Variants in CEP170B observed in about 807,000 individuals in gnomAD.
CEP170B encodes the protein centrosomal protein 170B, also known as centrosomal protein of 170 kDa protein B.
Under a neutral mutation model 120.6 loss-of-function variants are expected in CEP170B, and 55 were observed. The observed-to-expected ratio is 0.46, with a 90% CI of 0.37 to 0.57. CEP170B has a LOEUF of 0.57. CEP170B is among the 20% of genes least tolerant of loss of function. The probability of loss-of-function intolerance (pLI) is 0.00; values close to 1 mark genes in which losing one functional copy is unlikely to be tolerated. For missense variants in CEP170B, 2,212 were observed against 2,253.3 expected, an observed-to-expected ratio of 0.98 and a Z score of 0.37; for synonymous variants, 1,033 against 954.5, an observed-to-expected ratio of 1.08 and a Z score of -1.52.
Position 104,887,526 on chromosome 14 carries a change from G to A in CEP170B, c.3287G>A (p.Ser1096Asn). The change falls in exon 12 of 19, where the codon AGC (serine) becomes AAC (asparagine). Residue 1096 changes from serine (S) to asparagine (N), a missense_variant. Ser to Asn is a conservative substitution (Grantham distance 46). Coordinates refer to ENST00000414716, the MANE Select transcript of CEP170B (RefSeq NM_001112726.3). ...TCCCCAGCTGCCCGGGAGGAGCAGAGCCGTAGCTCAGCCAGCTCCCAGAAG... is the reference window on the plus strand; with the variant it reads ...TCCCCAGCTGCCCGGGAGGAGCAGAACCGTAGCTCAGCCAGCTCCCAGAAG... ...PPSPAAREEQ[S>N]RSSASSQKGP... 1.2e-6 allele frequency: 2 copies of A among 1,611,148 alleles called. No homozygotes were observed. The highest frequency in any genetic ancestry group is 1.7e-6 in the Non-Finnish European group (2 of 1,179,480).
chr14:104,880,148 T>G, intron 5 of CEP170B, 139 bp from the exon 6 acceptor site: 4 of 1,200,522 alleles, frequency 3.3e-6, no homozygotes, highest in Non-Finnish European at 4.6e-6. Flanking sequence ...TGTCTGCTCT[T>G]TTGGGGAGCA....
rs369738178 is a variant in CEP170B, at chr14:104,886,820, C to G, written c.2581C>G (p.Pro861Ala). The G allele has an allele frequency of 5.0e-6, 8 of 1,611,386 alleles. No individual in the cohort carries two copies. Among genetic ancestry groups the G allele is most frequent in the Admixed American group, 3.3e-5 (2 of 60,020 alleles). ...GTCCCCAGAACCCGACGGCCCTGCC[C>G]CAGCCTTTCTCCGGCAAGAGAGCTT... is the stretch of plus-strand genomic sequence containing the variant. ...GRSPEPDGPAPAFLRQESFTK... is the reference protein window; with the variant it reads ...GRSPEPDGPAAAFLRQESFTK... Residue 861 changes from proline (P) to alanine (A), a missense_variant, in exon 12 of 19, where the codon CCA (proline) becomes GCA (alanine). Physicochemically the swap from Pro to Ala is conservative, Grantham distance 27. Around this residue, in one of 2 missense-constraint regions of CEP170B, gnomAD observed 2,166 missense variants for 2,166.7 expected, o/e 1.00. Transcript: ENST00000414716.
chr14:104,892,071 A>G (rs538152953), intron 13 of CEP170B, among the ~76,000 whole-genome samples: 2 of 151,876 alleles, frequency 1.3e-5, no homozygotes, highest in Admixed American at 1.3e-4. Flanking sequence ...GGTGACTGCC[A>G]GTGTGGGGGC....
Position 104,886,763 on chromosome 14 carries a change from G to A in CEP170B, c.2524G>A (p.Gly842Arg). ...GGATGGCGTCTATGTCAGTGCCAAT[G>A]GGAGAATGGTCATCCAGCTACGGCC... ...ARDGVYVSANGRMVIQLRPGR... is the reference protein window; with the variant it reads ...ARDGVYVSANRRMVIQLRPGR... The change falls in exon 12 of 19, where the codon GGG becomes AGG. Residue 842 changes from glycine (G) to arginine (R), a missense_variant. Coordinates refer to ENST00000414716, the MANE Select transcript of CEP170B (RefSeq NM_001112726.3). The A allele has an allele frequency of 6.2e-7, 1 of 1,611,762 alleles. No individual in the cohort carries two copies.
chr14:104,877,516 T>A (rs1895918786), intron 3 of CEP170B, among the ~76,000 whole-genome samples: 1 of 152,190 alleles, frequency 6.6e-6, no homozygotes, highest in Non-Finnish European at 1.5e-5. Flanking sequence ...CCTCGACTGT[T>A]CCCAAGGGCT....
intron 2 of CEP170B, among the ~76,000 whole-genome samples, chr14:104,873,007 C>T (rs1418676216): frequency 6.6e-6 from 1 of 152,236 alleles, no homozygotes; most frequent in East Asian, 1.9e-4. Context: ...TGTTTTAAGT[C>T]TTGAGCCCTG....
chr14:104,886,582 G>A lies in CEP170B; in HGVS notation c.2343G>A (p.Arg781=). The change falls in exon 12 of 19, where the codon AGG becomes AGA. Residue 781 remains arginine, a synonymous_variant. Coordinates refer to ENST00000414716, the MANE Select transcript of CEP170B (RefSeq NM_001112726.3). ...RSPQEGPTWS[R]GRRSPRAPGE... is the part of the protein sequence containing the mutation. Reference sequence around the variant, plus strand: ...CCCAGGAGGGGCCCACGTGGAGCAGGGGTCGGCGCTCACCAAGGGCCCCCG... The same window carrying A: ...CCCAGGAGGGGCCCACGTGGAGCAGAGGTCGGCGCTCACCAAGGGCCCCCG... 1 of 1,513,572 alleles carries A rather than the reference G, an allele frequency of 6.6e-7. No individual in the cohort carries two copies. Among genetic ancestry groups the A allele is most frequent in the Non-Finnish European group, 8.8e-7 (1 of 1,134,478 alleles). The allele number at this position is 1,513,572 out of a possible 1,614,324, so 93.8% of individuals were successfully genotyped here. A position where few individuals can be genotyped will look rare whatever the true frequency, so the allele number is the denominator to read the frequency against.
rs1048936644 is a variant in CEP170B, at chr14:104,892,825, G to C, written c.3879-151G>C. 24 of 831,372 alleles carry C rather than the reference G, an allele frequency of 2.9e-5. No homozygotes were observed. In the African/African-American group the frequency reaches 3.6e-4, roughly 12 times the overall value. 51.5% of individuals were successfully genotyped at this position (831,372 alleles called of 1,614,324 possible). A position where few individuals can be genotyped will look rare whatever the true frequency, so the allele number is the denominator to read the frequency against. On this transcript the variant is annotated intron_variant, in intron 13 of 18. Transcript: ENST00000414716. Reference sequence around the variant, plus strand: ...TGCCTGTGTAACCAGTGGCTAGGCCGGTGTTTGGGGCCAGGCTGGGGAGCA... The same window carrying C: ...TGCCTGTGTAACCAGTGGCTAGGCCCGTGTTTGGGGCCAGGCTGGGGAGCA...
Position 104,886,325 on chromosome 14 carries a change from C to G in CEP170B, c.2086C>G (p.Arg696Gly). 6.4e-7 allele frequency: 1 copy of G among 1,551,156 alleles called. No homozygotes were observed. The highest frequency in any genetic ancestry group is 1.9e-5 in the Admixed American group (1 of 52,900). Residue 696 changes from arginine to glycine, a missense_variant, in exon 12 of 19, where the codon CGC becomes GGC. By Grantham distance (125) the Arg-to-Gly change is moderately radical (BLOSUM62 -2). Transcript: ENST00000414716. ...GGEPEGSLPV[R>G]MRRRLPQLPS... ...GGAGCCGGAGGGGTCCCTGCCTGTG[C>G]GCATGCGGCGACGGCTCCCTCAGCT... is the stretch of plus-strand genomic sequence containing the variant.
rs1395078289 is a variant in CEP170B at position 104,867,160 on chromosome 14, A to G, written c.-27-1264A>G. On this transcript the variant is annotated intron_variant, in intron 1 of 18. Transcript: ENST00000414716. The surrounding 1 kb of genome is among the most constrained non-coding windows in gnomAD (Gnocchi z 5.4). ...GGAGCCAGTGCTGGGCCCTTTAGGG[A>G]CTTCATCCCCTTCCAGGACTAGCCA... is the stretch of plus-strand genomic sequence containing the variant. 6.6e-6 allele frequency among the ~76,000 whole-genome samples: 1 copy of G among 151,792 alleles called. No individual in the cohort carries two copies. Among genetic ancestry groups the G allele is most frequent in the Non-Finnish European group, 1.5e-5 (1 of 67,938 alleles).
intron 13 of CEP170B, among the ~76,000 whole-genome samples, 162 bp from the exon 14 acceptor site, chr14:104,892,814 G>A (rs1896909491): frequency 6.6e-6 from 1 of 152,244 alleles, no homozygotes; most frequent in Admixed American, 6.5e-5. Flanking sequence ...TGTGTAACCA[G>A]TGGCTAGGCC....
chr14:104,868,674 G>A lies in CEP170B; in HGVS notation c.105+119G>A. On this transcript the variant is annotated intron_variant, in intron 2 of 18. Coordinates refer to ENST00000414716, the MANE Select transcript of CEP170B (RefSeq NM_001112726.3). The surrounding 1 kb of genome is among the most constrained non-coding windows in gnomAD (Gnocchi z 5.9). ...ACCCTGGCGAGGAGGCCGCCATGCA[G>A]CCCAGGCTGGGCCTCTTAACTTGGG... The A allele has an allele frequency of 2.1e-6, 2 of 971,138 alleles. No homozygotes were observed. The highest frequency in any genetic ancestry group is 3.0e-6 in the Non-Finnish European group (2 of 661,620). The allele number at this position is 971,138 out of a possible 1,614,324, so 60.2% of individuals were successfully genotyped here.
rs906947564 is a variant in CEP170B at position 104,892,891 on chromosome 14, G to C, written c.3879-85G>C. The stretch of plus-strand genomic sequence containing the variant: ...ACCTCTGGCCAGCAGCTGCCTGGGA[G>C]CTGGGAGGGGCTTTGAGGCCTGTCT... On this transcript the variant is annotated intron_variant, in intron 13 of 18. Coordinates refer to ENST00000414716, the MANE Select transcript of CEP170B (RefSeq NM_001112726.3). 2.8e-4 allele frequency: 410 copies of C among 1,443,254 alleles called. 1 individual carries two copies. The highest frequency in any genetic ancestry group is 2.2e-4 in the Middle Eastern group (1 of 4,498). 89.4% of individuals were successfully genotyped at this position (1,443,254 alleles called of 1,614,324 possible).
chr14:104,871,066 C>G (rs975176140), intron 2 of CEP170B, among the ~76,000 whole-genome samples: 2 of 151,704 alleles, frequency 1.3e-5, no homozygotes, highest in Non-Finnish European at 2.9e-5. Flanking sequence ...GATGTTTGCA[C>G]CTGCCGCCCC....
At chr14:104,893,199 C>T in intron 14 of CEP170B, 64 bp downstream of exon 14, 1 of 1,512,500 alleles carries the variant, frequency 6.6e-7, no homozygotes, top group Non-Finnish European at 8.9e-7. Flanking sequence ...CAGGCCAGGT[C>T]CCCACAGCCC....
At chr14:104,864,954 AGGCGAAGCGGGG>A (rs543143331), upstream of CEP170B, among the ~76,000 whole-genome samples, 1,082 of 147,376 alleles carry the variant, frequency 7.3e-3, 39 homozygotes, top group East Asian at 0.12. This position sits in a 1 kb window ranked among gnomAD's most constrained non-coding sequence, Gnocchi z 5.9. Flanking sequence ...CCGGACCGGG[AGGCGAAGCGGGG>A]GGCGCTGCCG....
Position 104,887,431 on chromosome 14 carries a change from C to T in CEP170B, c.3192C>T (p.Asn1064=). The T allele has an allele frequency of 6.2e-7, 1 of 1,611,444 alleles. No individual in the cohort carries two copies. Among genetic ancestry groups the T allele is most frequent in the Non-Finnish European group, 8.5e-7 (1 of 1,179,276 alleles). ...HLPSSDVMAS[N]HETPEATGAG... is the part of the protein sequence containing the mutation. Reference sequence around the variant, plus strand: ...CCAGCTCAGATGTGATGGCCTCCAACCACGAAACCCCTGAGGCCACCGGGG... The same window carrying T: ...CCAGCTCAGATGTGATGGCCTCCAATCACGAAACCCCTGAGGCCACCGGGG... The change falls in exon 12 of 19, where the codon AAC becomes AAT. Residue 1064 remains asparagine (N), a synonymous_variant. Transcript: ENST00000414716.
rs1895336961 is a variant in CEP170B at position 104,868,985 on chromosome 14, T to TC, written c.105+433dup. ...GCTGTGAGTGCTGCCTGAGCGGGGGTCCCAGTATCTTGGTCCCAGCTGCAC... is the reference window on the plus strand; with the variant it reads ...GCTGTGAGTGCTGCCTGAGCGGGGGTCCCCAGTATCTTGGTCCCAGCTGCAC... On this transcript the variant is annotated intron_variant, in intron 2 of 18. Coordinates refer to ENST00000414716, the MANE Select transcript of CEP170B (RefSeq NM_001112726.3). This position sits in a 1 kb window ranked among gnomAD's most constrained non-coding sequence, Gnocchi z 5.9. 6.6e-6 allele frequency among the ~76,000 whole-genome samples: 1 copy of TC among 152,032 alleles called. No homozygotes were observed. The highest frequency in any genetic ancestry group is 1.5e-5 in the Non-Finnish European group (1 of 68,000).
intron 8 of CEP170B, 148 bp from the exon 9 acceptor site, chr14:104,883,683 G>A (rs145297277): frequency 0.011 from 11,212 of 1,056,706 alleles, 81 homozygotes; most frequent in Middle Eastern, 0.026. Flanking sequence ...GCGTCTTCCC[G>A]TTGCACTTCT....
Sources: allele counts gnomAD v4.1 joint callset (sites outside exome capture counted in the v4.1 genomes callset), GRCh38; gene constraint gnomAD v4.1.1; regional missense constraint gnomAD v4.1.1; non-coding constraint Gnocchi (gnomAD v3.1); transcripts MANE v1.5; gene names NCBI Gene and HGNC (gene_info 2026-07-23, HGNC 2026-07-21).